GABRA5: variants seen among roughly 807,000 people sequenced by gnomAD.
GABRA5 encodes the protein gamma-aminobutyric acid type A receptor subunit alpha5.
In GABRA5, 18 loss-of-function variants were observed where a neutral mutation model predicts 47.3. The observed-to-expected ratio is 0.38, with a 90% CI of 0.26 to 0.56. The LOEUF is 0.56. GABRA5 is among the 20% of genes least tolerant of loss of function. GABRA5 has a pLI of 0.71. For synonymous variants in GABRA5, 237 were observed against 229.3 expected (o/e 1.03, Z -0.30); for missense variants, 365 against 599.3 (o/e 0.61, Z 4.08).
rs190469400 is a variant in GABRA5, at chr15:26,902,969, T to G, written c.498-11834T>G. Among the ~76,000 whole-genome samples, 37 of 152,248 alleles carry G rather than the reference T, an allele frequency of 2.4e-4. No homozygotes were observed. The East Asian group carries it at 6.9e-3, about 29-fold the overall frequency. On this transcript the variant is annotated intron_variant, in intron 6 of 10. Coordinates refer to ENST00000335625, the MANE Select transcript of GABRA5 (RefSeq NM_000810.4). ...AATTGATTTTTGTTTTTTAAAAACTTTCATATTAGGTTCAGGGGTACATGT... is the reference window on the plus strand; with the variant it reads ...AATTGATTTTTGTTTTTTAAAAACTGTCATATTAGGTTCAGGGGTACATGT...
chr15:26,937,046 T>G, intron 7 of GABRA5, 139 bp from the exon 8 acceptor site: 6 of 988,482 alleles, frequency 6.1e-6, no homozygotes, highest in Non-Finnish European at 9.5e-6. Context: ...CCAACCACCC[T>G]ATGCATTTTT....
chr15:26,901,546 T>C (rs1427421690), intron 6 of GABRA5, among the ~76,000 whole-genome samples: 5 of 152,190 alleles, frequency 3.3e-5, no homozygotes. Flanking sequence ...TTTGAATATT[T>C]TGGATAACAG....
intron 8 of GABRA5, chr15:26,939,141 C>A: frequency 1.4e-6 from 1 of 723,476 alleles, no homozygotes; most frequent in Non-Finnish European, 2.5e-6. Flanking sequence ...AAGAACACTT[C>A]CCATCTCCCC....
chr15:26,886,112 C>T (rs571105658), intron 6 of GABRA5, among the ~76,000 whole-genome samples: 5 of 152,072 alleles, frequency 3.3e-5, no homozygotes, highest in Non-Finnish European at 5.9e-5. Context: ...CTCCACCTCC[C>T]GGGTTCGAGC....
At chr15:26,888,962 G>A (rs965694414) in intron 6 of GABRA5, among the ~76,000 whole-genome samples, 6 of 152,188 alleles carry the variant, frequency 3.9e-5, no homozygotes, top group African/African-American at 7.2e-5. Context: ...CAGAGAACCC[G>A]GCCGCTGCTC....
At chr15:26,888,355 C>T (rs560347429) in intron 6 of GABRA5, among the ~76,000 whole-genome samples, 12 of 152,306 alleles carry the variant, frequency 7.9e-5, no homozygotes, top group African/African-American at 2.9e-4. Context: ...ATGGAGTGAG[C>T]CAGTTTACAG....
intron 6 of GABRA5, among the ~76,000 whole-genome samples, chr15:26,884,372 C>T (rs1258560029): frequency 6.6e-6 from 1 of 151,722 alleles, no homozygotes; most frequent in South Asian, 2.1e-4. Context: ...TATTCATTGC[C>T]TTGGATAAAT....
At chr15:26,899,835 C>T (rs9744436) in intron 6 of GABRA5, among the ~76,000 whole-genome samples, 5 of 152,008 alleles carry the variant, frequency 3.3e-5, no homozygotes, top group Admixed American at 6.5e-5. Flanking sequence ...ATATCTATAT[C>T]GATTCTGCCA....
chr15:26,948,356 A>T lies in GABRA5; in HGVS notation c.*123A>T. 1.2e-6 allele frequency: 1 copy of T among 829,028 alleles called. No individual in the cohort carries two copies. Among genetic ancestry groups the T allele is most frequent in the Non-Finnish European group, 1.9e-6 (1 of 533,382 alleles). 51.4% of individuals were successfully genotyped at this position (829,028 alleles called of 1,614,324 possible). ...CTTTCAGGAAATTTTTGCATGTTTAATAATATGTACAAATAATATTGCCTT... is the reference window on the plus strand; with the variant it reads ...CTTTCAGGAAATTTTTGCATGTTTATTAATATGTACAAATAATATTGCCTT... On this transcript the variant is annotated 3_prime_UTR_variant, in exon 11 of 11. Coordinates refer to ENST00000335625, the MANE Select transcript of GABRA5 (RefSeq NM_000810.4).
At chr15:26,893,204 TGG>T (rs1224754055) in intron 6 of GABRA5, among the ~76,000 whole-genome samples, 3 of 83,126 alleles carry the variant, frequency 3.6e-5, no homozygotes, top group African/African-American at 8.6e-5. Context: ...TATAGTGTGT[TGG>T]GTGTGTATGG....
chr15:26,870,820 T>C (rs766770608), intron 3 of GABRA5, among the ~76,000 whole-genome samples: 2 of 152,242 alleles, frequency 1.3e-5, no homozygotes, highest in Non-Finnish European at 2.9e-5. Context: ...AGTTGGTTTG[T>C]TTGATATACC....
chr15:26,869,697 A>C (rs1175064095), intron 3 of GABRA5, among the ~76,000 whole-genome samples: 1 of 152,272 alleles, frequency 6.6e-6, no homozygotes, highest in East Asian at 1.9e-4. Context: ...GGCAGTGCCA[A>C]CATTTCAGTT....
At chr15:26,868,703 C>G (rs1407291600) in intron 1 of GABRA5, 26 bp from the exon 2 acceptor site, 1 of 153,240 alleles carries the variant, frequency 6.5e-6, no homozygotes, top group Non-Finnish European at 1.5e-5. Context: ...GTGCTTTTCC[C>G]CACTTCTTTC....
At chr15:26,919,879 A>T (rs1321785790) in intron 7 of GABRA5, among the ~76,000 whole-genome samples, 2 of 151,712 alleles carry the variant, frequency 1.3e-5, no homozygotes, top group East Asian at 1.9e-4. Context: ...TTTGAAGGAG[A>T]GTTCTGCCAG....
At chr15:26,870,504 T>C (rs1160418761) in intron 3 of GABRA5, among the ~76,000 whole-genome samples, 1 of 152,180 alleles carries the variant, frequency 6.6e-6, no homozygotes, top group Admixed American at 6.5e-5. Flanking sequence ...AGCCAGGCAG[T>C]GTGTGCACTC....
At chr15:26,882,373 A>G (rs1385433310) in intron 4 of GABRA5, among the ~76,000 whole-genome samples, 1 of 152,176 alleles carries the variant, frequency 6.6e-6, no homozygotes, top group Non-Finnish European at 1.5e-5. Context: ...CACGCCATGC[A>G]GACGATCATC....
rs555074783 is a variant in GABRA5 at position 26,898,462 on chromosome 15, A to C, written c.497+14905A>C. On this transcript the variant is annotated intron_variant, in intron 6 of 10. Transcript: ENST00000335625. ...CTGCGTTGTTAAAACAAAGTGCTTA[A>C]ATGGCATTATAAATATTAGCTCAAA... Among the ~76,000 whole-genome samples the C allele has an allele frequency of 1.6e-4, 24 of 152,332 alleles. No homozygotes were observed. The South Asian group carries it at 3.9e-3, about 25-fold the overall frequency.
chr15:26,913,942 G>T (rs546267439), intron 6 of GABRA5, among the ~76,000 whole-genome samples: 1 of 152,194 alleles, frequency 6.6e-6, no homozygotes, highest in Admixed American at 6.5e-5. Context: ...TCTAGGCCCC[G>T]AATTCCTTAA....
intron 3 of GABRA5, among the ~76,000 whole-genome samples, chr15:26,871,151 G>T (rs191069893): frequency 1.3e-5 from 2 of 152,194 alleles, no homozygotes; most frequent in Non-Finnish European, 2.9e-5. Flanking sequence ...CTGAGATCAT[G>T]CCACTGCACT....
Sources: allele counts gnomAD v4.1 joint callset (sites outside exome capture counted in the v4.1 genomes callset), GRCh38; gene constraint gnomAD v4.1.1; transcripts MANE v1.5; gene names NCBI Gene and HGNC (gene_info 2026-07-23, HGNC 2026-07-21).